Variants in CAPN2 observed in about 807,000 individuals in gnomAD.
CAPN2 encodes calpain 2.
A neutral mutation model predicts 102.3 loss-of-function variants in CAPN2; 92 were observed. The observed-to-expected ratio is 0.90, with a 90% CI of 0.76 to 1.07. The LOEUF is 1.07. CAPN2 is among the 50% of genes least tolerant of loss of function. The pLI is 0.00. For missense variants in CAPN2, 800 were observed against 909.4 expected, an observed-to-expected ratio of 0.88 and a Z score of 1.55; for synonymous variants, 340 against 355.4, an observed-to-expected ratio of 0.96 and a Z score of 0.49.
intron 7 of CAPN2, 129 bp from the exon 8 acceptor site, chr1:223,751,868 G>T: frequency 1.5e-6 from 1 of 663,586 alleles, no homozygotes; most frequent in East Asian, 2.6e-5. Flanking sequence ...AGCCAGATGT[G>T]GGCTACTTTC....
intron 14 of CAPN2, 145 bp downstream of exon 14, chr1:223,762,396 C>A: frequency 1.5e-6 from 1 of 671,156 alleles, no homozygotes. Flanking sequence ...ACTTGGGTTC[C>A]AGCTCAGCCC....
At chr1:223,763,203 CA>C (rs776250358) in intron 14 of CAPN2, among the ~76,000 whole-genome samples, 3,119 of 132,890 alleles carry the variant, frequency 0.023, 69 homozygotes, top group African/African-American at 0.064. Flanking sequence ...CCAACAACTC[CA>C]AAAAAAAAAA....
chr1:223,760,821 C>T (rs1005782881), intron 12 of CAPN2, among the ~76,000 whole-genome samples: 2 of 152,174 alleles, frequency 1.3e-5, no homozygotes, highest in South Asian at 4.1e-4. Context: ...AATCCTTCTG[C>T]TCCAGATTCC....
chr1:223,755,342 T>TACCATCTCCCACCACCTCCC lies in CAPN2; in HGVS notation c.1136-127_1136-108dup. On this transcript the variant is annotated intron_variant, in intron 9 of 20. Transcript: ENST00000295006. The surrounding 1 kb of genome is among the most constrained non-coding windows in gnomAD (Gnocchi z 4.1). ...TCTCCCACCATCCCCCACCACCTCT[T>TACCATCTCCCACCACCTCCC]ACCATCTCCCACCACCTCCCACCAT... is the stretch of plus-strand genomic sequence containing the variant. 1 of 774,218 alleles carries TACCATCTCCCACCACCTCCC rather than the reference T, an allele frequency of 1.3e-6. No homozygotes were observed. Among genetic ancestry groups the TACCATCTCCCACCACCTCCC allele is most frequent in the South Asian group, 1.7e-5 (1 of 57,696 alleles). The allele number at this position is 774,218 out of a possible 1,614,324, so 48.0% of individuals were successfully genotyped here. A position where few individuals can be genotyped will look rare whatever the true frequency, so the allele number is the denominator to read the frequency against.
chr1:223,764,054 C>T, intron 14 of CAPN2, 96 bp from the exon 15 acceptor site: 1 of 928,114 alleles, frequency 1.1e-6, no homozygotes, highest in East Asian at 2.4e-5. Context: ...ATTCATAGGC[C>T]CCACCGCAGG....
chr1:223,707,276 A>ATC (rs1366943851), intron 1 of CAPN2, among the ~76,000 whole-genome samples: 1 of 146,188 alleles, frequency 6.8e-6, no homozygotes, highest in Non-Finnish European at 1.5e-5. Flanking sequence ...CTCTCTTTCT[A>ATC]TCTCTCTCTC....
At chr1:223,770,758 G>A (rs908312685) in intron 18 of CAPN2, 7 of 359,860 alleles carry the variant, frequency 1.9e-5, no homozygotes, top group African/African-American at 4.3e-5. Flanking sequence ...CTTTGGAGCC[G>A]CCTGGCACAG....
intron 11 of CAPN2, 184 bp downstream of exon 11, chr1:223,757,564 GGCAA>G: frequency 1.6e-6 from 1 of 630,898 alleles, no homozygotes; most frequent in Non-Finnish European, 2.8e-6. Flanking sequence ...CTAAGCTCTG[GGCAA>G]GGTTTCTGGA....
upstream of CAPN2, among the ~76,000 whole-genome samples, chr1:223,707,972 C>T (rs911212578): frequency 6.6e-6 from 1 of 152,216 alleles, no homozygotes; most frequent in African/African-American, 2.4e-5. Flanking sequence ...AGCTTTCTCC[C>T]AAGAGCCTCG....
intron 1 of CAPN2, among the ~76,000 whole-genome samples, chr1:223,706,735 CTG>C (rs1259918524): frequency 6.6e-6 from 1 of 152,158 alleles, no homozygotes; most frequent in African/African-American, 2.4e-5. Flanking sequence ...CAAATAAAAA[CTG>C]AGACTGACAC....
upstream of CAPN2, among the ~76,000 whole-genome samples, chr1:223,709,867 A>C (rs1312106550): frequency 1.3e-5 from 2 of 152,232 alleles, no homozygotes; most frequent in Non-Finnish European, 2.9e-5. Context: ...ATCTATAGGA[A>C]AAATTATTTT....
In CAPN2 at chr1:223,754,092, G is replaced by C. The variant is rs1660970916; in HGVS notation, c.1135+1136G>C. ...TGACTTGCTGAAGGCCACAGAGCGT[G>C]CTGGGATTTGAACCCAGGCCCCCTG... On this transcript the variant is annotated intron_variant, in intron 9 of 20. Transcript: ENST00000295006. The surrounding 1 kb of genome is among the most constrained non-coding windows in gnomAD (Gnocchi z 4.7). Among the ~76,000 whole-genome samples, 7 of 152,358 alleles carry C rather than the reference G, an allele frequency of 4.6e-5. 1 individual carries two copies. The South Asian group carries it at 1.4e-3, about 32-fold the overall frequency.
intron 2 of CAPN2, among the ~76,000 whole-genome samples, chr1:223,741,070 A>G (rs1488478218): frequency 6.6e-6 from 1 of 152,210 alleles, no homozygotes; most frequent in East Asian, 1.9e-4. Context: ...GTTCTGTGAC[A>G]AGGAAATGAG....
At chr1:223,733,118 C>T (rs1216273456) in intron 2 of CAPN2, among the ~76,000 whole-genome samples, 2 of 152,180 alleles carry the variant, frequency 1.3e-5, no homozygotes, top group Non-Finnish European at 2.9e-5. Flanking sequence ...CACCTCCTGT[C>T]CTGCAGGACT....
chr1:223,768,861 C>A (rs1046117842), intron 16 of CAPN2, among the ~76,000 whole-genome samples: 5 of 151,758 alleles, frequency 3.3e-5, no homozygotes, highest in African/African-American at 9.7e-5. Flanking sequence ...CTTTTATTTC[C>A]TTGAGCAGTG....
chr1:223,750,927 TC>T lies in CAPN2; in HGVS notation c.853del (p.Arg285GlufsTer23). On this transcript the variant is annotated frameshift_variant, in exon 7 of 21. Coordinates refer to ENST00000295006, the MANE Select transcript of CAPN2 (RefSeq NM_001748.5). LOFTEE classifies it high-confidence loss of function. ...GGAAGCCTACAGAAACTGATCCGCA[TC>T]CGAAATCCCTGGGGAGAAGTGGAGT... ...SNGSLQKLIRIRNPWGEVEWT... is the reference protein window; with the variant it reads ...SNGSLQKLIRXRNPWGEVEWT... The T allele has an allele frequency of 6.4e-7, 1 of 1,552,618 alleles. No homozygotes were observed. Among genetic ancestry groups the T allele is most frequent in the Non-Finnish European group, 8.7e-7 (1 of 1,147,390 alleles).
intron 1 of CAPN2, among the ~76,000 whole-genome samples, chr1:223,706,691 A>G (rs538847767): frequency 6.6e-6 from 1 of 152,114 alleles, no homozygotes; most frequent in South Asian, 2.1e-4. Flanking sequence ...GTGAAGATTA[A>G]GTGCACAAAT....
intron 2 of CAPN2, among the ~76,000 whole-genome samples, chr1:223,739,281 T>G (rs1425945905): frequency 1.3e-5 from 2 of 151,686 alleles, no homozygotes; most frequent in African/African-American, 4.9e-5. Context: ...CCTCCCAGGT[T>G]CAAGTGATTC....
intron 7 of CAPN2, among the ~76,000 whole-genome samples, 165 bp downstream of exon 7, chr1:223,751,140 C>T (rs573463251): frequency 2.2e-4 from 33 of 152,282 alleles, no homozygotes; most frequent in African/African-American, 6.5e-4. Flanking sequence ...CTCAAAGGGT[C>T]TTTTAACCAG....
Sources: allele counts gnomAD v4.1 joint callset (sites outside exome capture counted in the v4.1 genomes callset), GRCh38; gene constraint gnomAD v4.1.1; non-coding constraint Gnocchi (gnomAD v3.1); transcripts MANE v1.5; gene names NCBI Gene and HGNC (gene_info 2026-07-23, HGNC 2026-07-21).